The following SLC8A3 variants were observed in gnomAD, a reference collection of about 807,000 sequenced individuals.
SLC8A3 encodes the protein solute carrier family 8 member A3, also known as sodium/calcium exchanger 3.
A neutral mutation model predicts 65.4 loss-of-function variants in SLC8A3; 37 were observed. The observed-to-expected ratio is 0.57, with a 90% CI of 0.44 to 0.74. The LOEUF is 0.74. Among genes scored for constraint, SLC8A3 ranks in the 30% least tolerant of loss-of-function variants. The pLI is 0.00. For synonymous variants in SLC8A3, 461 were observed against 444.5 expected (o/e 1.04, Z -0.47); for missense variants, 1,112 against 1,172.1 (o/e 0.95, Z 0.75).
chr14:70,105,009 T>C (rs907174169), intron 2 of SLC8A3, among the ~76,000 whole-genome samples: 2 of 152,150 alleles, frequency 1.3e-5, no homozygotes, highest in African/African-American at 4.8e-5. Context: ...AAAGCCAAAA[T>C]GTAGTCCTTT....
At chr14:70,187,410 T>C (rs1883365330) in intron 1 of SLC8A3, among the ~76,000 whole-genome samples, 1 of 151,346 alleles carries the variant, frequency 6.6e-6, no homozygotes, top group Non-Finnish European at 1.5e-5. Context: ...TTTCTTCTAT[T>C]TAACCCCACC....
chr14:70,049,028 C>T lies in SLC8A3; in HGVS notation c.2128G>A (p.Glu710Lys). The T allele has an allele frequency of 1.9e-6, 3 of 1,607,476 alleles. No individual in the cohort carries two copies. Among genetic ancestry groups the T allele is most frequent in the Non-Finnish European group, 1.7e-6 (2 of 1,175,394 alleles). Residue 710 changes from glutamate to lysine, a missense_variant, in exon 6 of 7, where the codon GAG becomes AAG. Physicochemically the swap from Glu to Lys is moderately conservative, Grantham distance 56. Transcript: ENST00000356921. ...ITVSAAGDEDEDESGEERLPS... is the reference protein window; with the variant it reads ...ITVSAAGDEDKDESGEERLPS... ...AGCCTCTCCTCCCCGGATTCATCCTCATCCTCATCCCCTGCTGAAGGCAAG... is the reference window on the plus strand; with the variant it reads ...AGCCTCTCCTCCCCGGATTCATCCTTATCCTCATCCCCTGCTGAAGGCAAG...
At chr14:70,051,161 G>T in intron 4 of SLC8A3, 54 bp from the exon 5 acceptor site, 1 of 1,197,882 alleles carries the variant, frequency 8.3e-7, no homozygotes, top group Non-Finnish European at 1.2e-6. Context: ...CAGAACCAAT[G>T]AGGAGTCTGG....
chr14:70,152,115 G>T (rs1455216674), intron 2 of SLC8A3, among the ~76,000 whole-genome samples: 1 of 152,176 alleles, frequency 6.6e-6, no homozygotes, highest in Non-Finnish European at 1.5e-5. Context: ...CTCAAAAGGA[G>T]GACTCGAGTA....
chr14:70,146,346 A>G (rs1356342886), intron 2 of SLC8A3, among the ~76,000 whole-genome samples: 3 of 152,136 alleles, frequency 2.0e-5, no homozygotes, highest in African/African-American at 7.2e-5. Flanking sequence ...AGGCTCCTCC[A>G]CTACATTTCA....
chr14:70,088,406 G>C (rs1192867327), intron 2 of SLC8A3, among the ~76,000 whole-genome samples: 1 of 152,204 alleles, frequency 6.6e-6, no homozygotes, highest in East Asian at 1.9e-4. Flanking sequence ...CCTGAGAGCT[G>C]TGTCAGCTAG....
intron 3 of SLC8A3, among the ~76,000 whole-genome samples, chr14:70,057,601 C>T (rs1888309646): frequency 6.6e-6 from 1 of 152,196 alleles, no homozygotes; most frequent in South Asian, 2.1e-4. Flanking sequence ...CCAAGACTTT[C>T]TGCTCAGCAG....
At chr14:70,124,431 A>G (rs1296171477) in intron 2 of SLC8A3, among the ~76,000 whole-genome samples, 1 of 152,092 alleles carries the variant, frequency 6.6e-6, no homozygotes, top group Non-Finnish European at 1.5e-5. Flanking sequence ...TGCTTCTCAC[A>G]TTGTCCCTTT....
intron 2 of SLC8A3, among the ~76,000 whole-genome samples, chr14:70,066,641 T>C (rs1242367148): frequency 6.6e-6 from 1 of 152,110 alleles, no homozygotes; most frequent in African/African-American, 2.4e-5. Flanking sequence ...GGAAACTCTG[T>C]CTCTACTAAA....
At chr14:70,153,394 C>A (rs758501454) in intron 2 of SLC8A3, among the ~76,000 whole-genome samples, 1 of 152,148 alleles carries the variant, frequency 6.6e-6, no homozygotes, top group South Asian at 2.1e-4. Flanking sequence ...GTGTGCCCCA[C>A]AAGCTGAAGC....
intron 2 of SLC8A3, among the ~76,000 whole-genome samples, chr14:70,065,509 T>C (rs773735459): frequency 1.3e-5 from 2 of 152,204 alleles, no homozygotes; most frequent in Non-Finnish European, 2.9e-5. Context: ...TGGAGACAGA[T>C]GAGCTGGATT....
At chr14:70,063,185 T>C (rs1889015656) in intron 2 of SLC8A3, among the ~76,000 whole-genome samples, 1 of 152,140 alleles carries the variant, frequency 6.6e-6, no homozygotes. Flanking sequence ...GGAAGACAAA[T>C]GGATATTTGA....
intron 2 of SLC8A3, among the ~76,000 whole-genome samples, chr14:70,105,321 T>G (rs1892796270): frequency 1.3e-5 from 2 of 152,080 alleles, no homozygotes; most frequent in Non-Finnish European, 2.9e-5. Context: ...AAAGCGAGAC[T>G]CTGTCTCAAA....
chr14:70,085,890 C>T (rs1436480434), intron 2 of SLC8A3, among the ~76,000 whole-genome samples: 4 of 152,286 alleles, frequency 2.6e-5, no homozygotes, highest in African/African-American at 7.2e-5. Context: ...TTACTCCTCT[C>T]TCAAAAATGA....
chr14:70,080,032 G>A, intron 2 of SLC8A3: 1 of 913,622 alleles, frequency 1.1e-6, no homozygotes, highest in Non-Finnish European at 1.3e-6. Flanking sequence ...TTGTCGTGCG[G>A]GTGACATGAG....
chr14:70,086,921 C>A (rs1258657990), intron 2 of SLC8A3, among the ~76,000 whole-genome samples: 1 of 152,182 alleles, frequency 6.6e-6, no homozygotes, highest in Admixed American at 6.5e-5. Context: ...CCCTCTACTA[C>A]CCAGAGTCAA....
At chr14:70,081,904 A>C (rs776351127) in intron 2 of SLC8A3, among the ~76,000 whole-genome samples, 5 of 152,208 alleles carry the variant, frequency 3.3e-5, no homozygotes, top group Admixed American at 2.0e-4. Context: ...AAGTCAGTGT[A>C]AGATTTTTAG....
chr14:70,064,184 C>G (rs972515613), intron 2 of SLC8A3, among the ~76,000 whole-genome samples: 2 of 152,154 alleles, frequency 1.3e-5, no homozygotes, highest in African/African-American at 4.8e-5. Context: ...GCTTCACAGC[C>G]GAGGGCTCTG....
chr14:70,172,067 T>C lies in SLC8A3; in HGVS notation c.-62-3583A>G, dbSNP rs1378589359. ...ATCTTGGGGGTCCAGCTCAACCCCT[T>C]AGAGACCCAGATAATCTTCTGTGGT... is the stretch of plus-strand genomic sequence containing the variant. On this transcript the variant is annotated intron_variant, in intron 1 of 6. Coordinates refer to ENST00000356921, the MANE Select transcript of SLC8A3 (RefSeq NM_182932.3). Among the ~76,000 whole-genome samples, 7 of 152,128 alleles carry C rather than the reference T, an allele frequency of 4.6e-5. No homozygotes were observed. In the East Asian group the frequency reaches 1.4e-3, roughly 29 times the overall value.
Sources: allele counts gnomAD v4.1 joint callset (sites outside exome capture counted in the v4.1 genomes callset), GRCh38; gene constraint gnomAD v4.1.1; transcripts MANE v1.5; gene names NCBI Gene and HGNC (gene_info 2026-07-23, HGNC 2026-07-21).